The following UGT1A9 variants were observed in gnomAD, a reference collection of about 807,000 sequenced individuals.
UGT1A9 encodes the protein UDP glucuronosyltransferase family 1 member A9.
In UGT1A9, 35 loss-of-function variants were observed where a neutral mutation model predicts 45.0. The observed-to-expected ratio is 0.78, with a 90% CI of 0.59 to 1.03. The LOEUF (loss-of-function observed/expected upper bound fraction) is 1.03. Ranked by LOEUF, UGT1A9 falls within the 50% of genes least tolerant of loss-of-function variation. The probability of loss-of-function intolerance (pLI) is 0.00; values close to 1 mark genes in which losing one functional copy is unlikely to be tolerated. For missense variants in UGT1A9, 687 were observed against 666.6 expected, an observed-to-expected ratio of 1.03 and a Z score of -0.34; for synonymous variants, 278 against 250.6, an observed-to-expected ratio of 1.11 and a Z score of -1.03.
At position 233,734,691 on chromosome 2, in the gene UGT1A9, CCCAGAGA is replaced by C. The variant is rs551995171; in HGVS notation, c.856-32342_856-32336del. On this transcript the variant is annotated intron_variant, in intron 1 of 4. Coordinates refer to ENST00000354728, the MANE Select transcript of UGT1A9 (RefSeq NM_021027.3). ...CCTCTACACACTGATTTAAATGTGT[CCCAGAGA>C]TTCTGGTATGTTGTGTCTTTGTTCT... Among the ~76,000 whole-genome samples, 1,501 of 152,268 alleles carry C rather than the reference CCCAGAGA, an allele frequency of 9.9e-3. 21 individuals carry two copies. The highest frequency in any genetic ancestry group is 0.034 in the African/African-American group (1,432 of 41,544).
In UGT1A9 at chr2:233,769,189, A is replaced by T. The variant is rs1281206912; in HGVS notation, c.1295+750A>T. Among the ~76,000 whole-genome samples, 1 of 152,188 alleles carries T rather than the reference A, an allele frequency of 6.6e-6. No homozygotes were observed. Among genetic ancestry groups the T allele is most frequent in the East Asian group, 1.9e-4 (1 of 5,202 alleles). On this transcript the variant is annotated intron_variant, in intron 4 of 4. Transcript: ENST00000354728. This position sits in a 1 kb window ranked among gnomAD's most constrained non-coding sequence, Gnocchi z 4.4. The stretch of plus-strand genomic sequence containing the variant: ...TGTCCATGGAGTTTATGAATGAAGG[A>T]GCTATAAGATATCACAGACAAAGTC...
In UGT1A9 at chr2:233,772,443, T is replaced by A; in HGVS notation, c.1477T>A (p.Leu493Met). 6.2e-7 allele frequency: 1 copy of A among 1,614,238 alleles called. No homozygotes were observed. The highest frequency in any genetic ancestry group is 8.5e-7 in the Non-Finnish European group (1 of 1,180,046). ...YHSLDVIGFLLAVVLTVAFIT... is the reference protein window; with the variant it reads ...YHSLDVIGFLMAVVLTVAFIT... ...TTCCTTGGACGTGATTGGTTTCCTCTTGGCCGTCGTGCTGACAGTGGCCTT... is the reference window on the plus strand; with the variant it reads ...TTCCTTGGACGTGATTGGTTTCCTCATGGCCGTCGTGCTGACAGTGGCCTT... Residue 493 changes from leucine (L) to methionine (M), a missense_variant, in exon 5 of 5, where the codon TTG becomes ATG. Coordinates refer to ENST00000354728, the MANE Select transcript of UGT1A9 (RefSeq NM_021027.3).
At chr2:233,747,496 G>A in intron 1 of UGT1A9, 1 of 1,608,732 alleles carries the variant, frequency 6.2e-7, no homozygotes, top group Non-Finnish European at 8.5e-7. Context: ...CTTGTGCTGG[G>A]CCACACTCAA....
At position 233,718,851 on chromosome 2, in the gene UGT1A9, C is replaced by T. The variant is rs3892221; in HGVS notation, c.855+46062C>T. ...CAGAGGACTCCAGGTTCCCCTGCCGCGGCTGGCCACAGGACTGCTGCTCCT... is the reference window on the plus strand; with the variant it reads ...CAGAGGACTCCAGGTTCCCCTGCCGTGGCTGGCCACAGGACTGCTGCTCCT... On this transcript the variant is annotated intron_variant, in intron 1 of 4. Coordinates refer to ENST00000354728, the MANE Select transcript of UGT1A9 (RefSeq NM_021027.3). 4,964 of 1,613,706 alleles carry T rather than the reference C, an allele frequency of 3.1e-3. 102 individuals carry two copies. The African/African-American group carries it at 0.045, about 15-fold the overall frequency.
intron 1 of UGT1A9, among the ~76,000 whole-genome samples, chr2:233,751,139 G>A (rs1273905721): frequency 6.6e-6 from 1 of 151,986 alleles, no homozygotes; most frequent in East Asian, 1.9e-4. Context: ...TGAGACTGTG[G>A]GAGCCCACTT....
At chr2:233,756,696 A>G (rs1696298484) in intron 1 of UGT1A9, among the ~76,000 whole-genome samples, 1 of 152,182 alleles carries the variant, frequency 6.6e-6, no homozygotes, top group African/African-American at 2.4e-5. Flanking sequence ...ATGACGATGA[A>G]TTTTGGGGGG....
chr2:233,705,947 G>A (rs1241175143), intron 1 of UGT1A9, among the ~76,000 whole-genome samples: 1 of 152,128 alleles, frequency 6.6e-6, no homozygotes, highest in Non-Finnish European at 1.5e-5. Context: ...AAATTAGCTG[G>A]GTGTGGAGGT....
At chr2:233,729,376 T>C in intron 1 of UGT1A9, 1 of 1,614,080 alleles carries the variant, frequency 6.2e-7, no homozygotes, top group Non-Finnish European at 8.5e-7. Flanking sequence ...TGCCATTTCG[T>C]GGACCCAGGA....
chr2:233,743,056 A>C (rs955838724), intron 1 of UGT1A9: 1 of 325,656 alleles, frequency 3.1e-6, no homozygotes, highest in Non-Finnish European at 6.0e-6. Flanking sequence ...AGTCCCAACG[A>C]TAAGAACAGG....
In UGT1A9 at chr2:233,769,373, C is replaced by T. The variant is rs1030548501; in HGVS notation, c.1295+934C>T. On this transcript the variant is annotated intron_variant, in intron 4 of 4. Coordinates refer to ENST00000354728, the MANE Select transcript of UGT1A9 (RefSeq NM_021027.3). The surrounding 1 kb of genome is among the most constrained non-coding windows in gnomAD (Gnocchi z 4.4). The stretch of plus-strand genomic sequence containing the variant: ...AGAAGTGGTGGCCAGTGGTAGATTT[C>T]ATCCGACAATAGATACTGTGTGCAT... Among the ~76,000 whole-genome samples, 1 of 152,206 alleles carries T rather than the reference C, an allele frequency of 6.6e-6. No individual in the cohort carries two copies. The highest frequency in any genetic ancestry group is 2.4e-5 in the African/African-American group (1 of 41,452).
In UGT1A9 at chr2:233,743,982, C is replaced by T. The variant is rs6735370; in HGVS notation, c.856-23052C>T. The T allele has an allele frequency of 7.7e-4, 997 of 1,297,112 alleles. 32 individuals carry two copies. The African/African-American group carries it at 0.014, about 18-fold the overall frequency. 80.4% of individuals were successfully genotyped at this position (1,297,112 alleles called of 1,614,324 possible). On this transcript the variant is annotated intron_variant, in intron 1 of 4. Coordinates refer to ENST00000354728, the MANE Select transcript of UGT1A9 (RefSeq NM_021027.3). ...AGCGGCAAGGCTGCCAGCACCCAGG[C>T]GCAGGCCCGAGTGCTCGGAGACCTG...
At chr2:233,762,422 T>TAG (rs1438123944) in intron 1 of UGT1A9, among the ~76,000 whole-genome samples, 1 of 152,242 alleles carries the variant, frequency 6.6e-6, no homozygotes, top group East Asian at 1.9e-4. Flanking sequence ...TTCTACAAAA[T>TAG]AGAGTAACAG....
chr2:233,687,516 A>G (rs1431513640), intron 1 of UGT1A9, among the ~76,000 whole-genome samples: 2 of 144,632 alleles, frequency 1.4e-5, no homozygotes, highest in Non-Finnish European at 3.0e-5. Context: ...AGAGGGGTTG[A>G]GTGACTTGCC....
chr2:233,761,044 G>C (rs1697654904), intron 1 of UGT1A9: 3 of 1,614,190 alleles, frequency 1.9e-6, no homozygotes, highest in Non-Finnish European at 2.5e-6. Flanking sequence ...CTCTGCATCT[G>C]TCTGGCTGTT....
chr2:233,680,631 A>T (rs750605409), intron 1 of UGT1A9, among the ~76,000 whole-genome samples: 3 of 152,164 alleles, frequency 2.0e-5, no homozygotes, highest in African/African-American at 4.8e-5. Flanking sequence ...ATGCAATGAG[A>T]ATTCCCATGG....
At chr2:233,762,868 G>A (rs998975258) in intron 1 of UGT1A9, among the ~76,000 whole-genome samples, 2 of 151,940 alleles carry the variant, frequency 1.3e-5, no homozygotes, top group Non-Finnish European at 2.9e-5. Context: ...AGAAATTTTG[G>A]TTTCTTCTCT....
Position 233,743,773 on chromosome 2 carries a change from C to G in UGT1A9, c.856-23261C>G, listed in dbSNP as rs367921172. 3 of 1,367,248 alleles carry G rather than the reference C, an allele frequency of 2.2e-6. No homozygotes were observed. In the East Asian group the frequency reaches 1.4e-4, roughly 62 times the overall value. The allele number at this position is 1,367,248 out of a possible 1,614,324, so 84.7% of individuals were successfully genotyped here. A position where few individuals can be genotyped will look rare whatever the true frequency, so the allele number is the denominator to read the frequency against. On this transcript the variant is annotated intron_variant, in intron 1 of 4. Coordinates refer to ENST00000354728, the MANE Select transcript of UGT1A9 (RefSeq NM_021027.3). ...ACAACACCTCGTAGGCCTCGGCCACCTGCTTGAATCTCCTCTCCGCTTCCT... is the reference window on the plus strand; with the variant it reads ...ACAACACCTCGTAGGCCTCGGCCACGTGCTTGAATCTCCTCTCCGCTTCCT...
At chr2:233,747,631 A>C in intron 1 of UGT1A9, 1 of 1,579,028 alleles carries the variant, frequency 6.3e-7, no homozygotes, top group Non-Finnish European at 8.7e-7. Context: ...CTGATCAGGC[A>C]CCTGAATGCT....
chr2:233,689,917 A>C (rs562345639), intron 1 of UGT1A9: 9 of 456,690 alleles, frequency 2.0e-5, no homozygotes, highest in African/African-American at 1.8e-4. Context: ...AGGTGCCTGG[A>C]ATTTCCTTCG....
Sources: gnomAD v4.1 joint callset for allele counts (sites outside exome capture counted in the v4.1 genomes callset) on GRCh38, gnomAD v4.1.1 for gene constraint, Gnocchi (gnomAD v3.1) non-coding constraint, MANE v1.5 for transcripts, NCBI Gene and HGNC (gene_info 2026-07-23, HGNC 2026-07-21) for gene names.